POU2F1: variants seen among roughly 807,000 people sequenced by gnomAD.
POU2F1 encodes POU class 2 homeobox 1, also known as POU domain, class 2, transcription factor 1.
Under a neutral mutation model 84.9 loss-of-function variants are expected in POU2F1, and 16 were observed. The ratio of observed to expected loss-of-function variants is 0.19; its 90% CI spans 0.13 to 0.29. POU2F1 has a LOEUF of 0.29. POU2F1 is among the 10% of genes least tolerant of loss of function. The pLI, the probability that POU2F1 is intolerant of heterozygous loss-of-function variation, is 1.00. For missense variants in POU2F1, 738 were observed against 942.6 expected (o/e 0.78, Z 2.84); for synonymous variants, 368 against 368.3 (o/e 1.00, Z 0.01).
chr1:167,414,241 G>A (rs1650160201), intron 15 of POU2F1: 1 of 822,604 alleles, frequency 1.2e-6, no homozygotes, highest in Non-Finnish European at 1.5e-6. Flanking sequence ...ATTTTTTTTT[G>A]CAATAGAATT....
intron 1 of POU2F1, among the ~76,000 whole-genome samples, chr1:167,248,718 A>C (rs1420664037): frequency 1.3e-5 from 2 of 152,202 alleles, no homozygotes; most frequent in East Asian, 1.9e-4. Context: ...GAACAAACAC[A>C]AGAGCATCTA....
chr1:167,417,809 CA>C lies in POU2F1; in HGVS notation c.*2001del, dbSNP rs1650407641. 2 of 152,200 alleles carry C rather than the reference CA, an allele frequency of 1.3e-5. No homozygotes were observed. The highest frequency in any genetic ancestry group is 2.9e-5 in the Non-Finnish European group (2 of 68,036). The allele number at this position is 152,200 out of a possible 1,614,324, so 9.4% of individuals were successfully genotyped here. A position where few individuals can be genotyped will look rare whatever the true frequency, so the allele number is the denominator to read the frequency against. ...TCCAGTAAGGCAGTAAATACAGACA[CA>C]ATGTGTACTTTTGTGTGTGATTCAA... On this transcript the variant is annotated 3_prime_UTR_variant, in exon 16 of 16. Coordinates refer to ENST00000367866, the MANE Select transcript of POU2F1 (RefSeq NM_002697.4).
At chr1:167,255,425 AT>A (rs1192687039) in intron 1 of POU2F1, among the ~76,000 whole-genome samples, 1 of 152,202 alleles carries the variant, frequency 6.6e-6, no homozygotes, top group African/African-American at 2.4e-5. Flanking sequence ...AGCTTACAGC[AT>A]TTTGGAAATT....
At chr1:167,400,258 C>T (rs866833117) in intron 12 of POU2F1, among the ~76,000 whole-genome samples, 1 of 151,256 alleles carries the variant, frequency 6.6e-6, no homozygotes, top group African/African-American at 2.4e-5. Flanking sequence ...AAAGTCCCAA[C>T]GTGCTGGGAT....
intron 2 of POU2F1, among the ~76,000 whole-genome samples, chr1:167,358,100 C>T (rs1181429264): frequency 1.3e-5 from 2 of 149,802 alleles, no homozygotes; most frequent in East Asian, 2.0e-4. Context: ...CCGCATCTGG[C>T]CTAATTGATC....
intron 1 of POU2F1, among the ~76,000 whole-genome samples, chr1:167,222,067 C>T (rs879773073): frequency 2.6e-5 from 4 of 152,086 alleles, no homozygotes; most frequent in Admixed American, 2.6e-4. Flanking sequence ...ACGCACGGGG[C>T]GGGTGGCCCT....
chr1:167,232,000 C>T (rs1175591669), intron 1 of POU2F1, among the ~76,000 whole-genome samples: 1 of 152,134 alleles, frequency 6.6e-6, no homozygotes, highest in Non-Finnish European at 1.5e-5. Flanking sequence ...GTGCCCTCCT[C>T]CCCCAACACA....
intron 1 of POU2F1, among the ~76,000 whole-genome samples, chr1:167,259,245 G>A (rs527253575): frequency 6.6e-6 from 1 of 152,272 alleles, no homozygotes; most frequent in East Asian, 1.9e-4. Context: ...TTGAGACTTA[G>A]GCTAGTAACA....
At chr1:167,338,140 C>T in intron 2 of POU2F1, 1 of 466,806 alleles carries the variant, frequency 2.1e-6, no homozygotes, top group Non-Finnish European at 4.4e-6. Flanking sequence ...CCCCTTCCAG[C>T]TTTTTGTCTT....
At chr1:167,269,365 T>C (rs1436046281) in intron 1 of POU2F1, among the ~76,000 whole-genome samples, 1 of 152,212 alleles carries the variant, frequency 6.6e-6, no homozygotes, top group Non-Finnish European at 1.5e-5. Context: ...AAAAACATTG[T>C]CAGGTTAGCA....
At chr1:167,309,437 C>T (rs1212456112) in intron 1 of POU2F1, among the ~76,000 whole-genome samples, 1 of 152,004 alleles carries the variant, frequency 6.6e-6, no homozygotes, top group East Asian at 1.9e-4. Flanking sequence ...TCTCATTATC[C>T]TTAAAATAAT....
rs1557977255 is a variant in POU2F1 at position 167,419,225 on chromosome 1, G to A, written c.*3415G>A. The A allele has an allele frequency of 6.6e-6, 1 of 152,160 alleles. No homozygotes were observed. Among genetic ancestry groups the A allele is most frequent in the East Asian group, 1.9e-4 (1 of 5,200 alleles). 9.4% of individuals were successfully genotyped at this position (152,160 alleles called of 1,614,324 possible). ...TATATGGGAGAGCCTGGAAACTAAA[G>A]GGGACCAGGGACCATTTGACCAAAA... On this transcript the variant is annotated 3_prime_UTR_variant, in exon 16 of 16. Coordinates refer to ENST00000367866, the MANE Select transcript of POU2F1 (RefSeq NM_002697.4).
Position 167,399,254 on chromosome 1 carries a change from T to A in POU2F1, c.1338T>A (p.Ile446=). The A allele has an allele frequency of 6.2e-7, 1 of 1,613,970 alleles. No individual in the cohort carries two copies. Among genetic ancestry groups the A allele is most frequent in the Non-Finnish European group, 8.5e-7 (1 of 1,179,946 alleles). Residue 446 remains isoleucine, a synonymous_variant, in exon 12 of 16, where the codon ATT becomes ATA. Coordinates refer to ENST00000367866, the MANE Select transcript of POU2F1 (RefSeq NM_002697.4). The part of the protein sequence containing the change: ...ADQLNMEKEV[I]RVWFCNRRQK... Reference sequence around the variant, plus strand: ...AGCTCAATATGGAAAAAGAGGTGATTCGTGTTTGGTTCTGTAACCGCCGCC... The same window carrying A: ...AGCTCAATATGGAAAAAGAGGTGATACGTGTTTGGTTCTGTAACCGCCGCC...
At chr1:167,362,554 A>G (rs1305920431) in intron 2 of POU2F1, among the ~76,000 whole-genome samples, 1 of 152,190 alleles carries the variant, frequency 6.6e-6, no homozygotes, top group East Asian at 1.9e-4. Flanking sequence ...TAGTTAGGCC[A>G]TCACCTTTTT....
chr1:167,233,572 A>G (rs75079078), intron 1 of POU2F1, among the ~76,000 whole-genome samples: 16 of 152,376 alleles, frequency 1.1e-4, no homozygotes, highest in Non-Finnish European at 1.8e-4. Context: ...GTAGTAGGCT[A>G]TACCATTTGG....
intron 13 of POU2F1, among the ~76,000 whole-genome samples, chr1:167,404,621 G>A (rs543487716): frequency 2.1e-4 from 32 of 152,290 alleles, no homozygotes; most frequent in Middle Eastern, 6.8e-3. Flanking sequence ...TCTGGTAGAA[G>A]GAGGGAAAGG....
Position 167,415,847 on chromosome 1 carries a change from T to C in POU2F1, c.*37T>C. On this transcript the variant is annotated 3_prime_UTR_variant, in exon 16 of 16. Transcript: ENST00000367866. ...CTGGGCTGCCAGAAGCCTTTTTCAC[T>C]CTGCAGTGTGATTGGACTGCCAGCC... 1 of 1,569,928 alleles carries C rather than the reference T, an allele frequency of 6.4e-7. No homozygotes were observed. Among genetic ancestry groups the C allele is most frequent in the South Asian group, 1.2e-5 (1 of 85,592 alleles).
intron 7 of POU2F1, chr1:167,383,489 G>C (rs148926571): frequency 6.4e-6 from 1 of 156,920 alleles, no homozygotes; most frequent in Non-Finnish European, 1.4e-5. Context: ...TCCAACATAC[G>C]CTGGCAGTTT....
At chr1:167,298,614 AT>A in intron 1 of POU2F1, among the ~76,000 whole-genome samples, 1 of 152,134 alleles carries the variant, frequency 6.6e-6, no homozygotes, top group Non-Finnish European at 1.5e-5. Context: ...GTTTTTTTTA[AT>A]TGTGGCTGGT....
Sources: gnomAD v4.1 joint callset for allele counts (sites outside exome capture counted in the v4.1 genomes callset) on GRCh38, gnomAD v4.1.1 for gene constraint, MANE v1.5 for transcripts, NCBI Gene and HGNC (gene_info 2026-07-23, HGNC 2026-07-21) for gene names.